Variants in DCC observed in about 807,000 individuals in gnomAD.
The protein encoded by DCC is netrin receptor DCC.
DCC carries 58 observed loss-of-function variants against 172.5 expected under a neutral mutation model. That is an observed-to-expected ratio of 0.34 (90% CI 0.27 to 0.42). DCC has a LOEUF of 0.42. DCC is among the 10% of genes least tolerant of loss of function. The pLI, the probability that DCC is intolerant of heterozygous loss-of-function variation, is 1.00. For missense variants in DCC, 1,740 were observed against 1,791.0 expected, an observed-to-expected ratio of 0.97 and a Z score of 0.51; for synonymous variants, 709 against 644.5, an observed-to-expected ratio of 1.10 and a Z score of -1.52.
intron 5 of DCC, among the ~76,000 whole-genome samples, chr18:52,959,334 T>A (rs1374284860): frequency 6.6e-6 from 1 of 152,168 alleles, no homozygotes; most frequent in African/African-American, 2.4e-5. Flanking sequence ...AAATTGTTCA[T>A]GTTAACTCAA....
At chr18:52,583,923 C>T (rs1218229586) in intron 1 of DCC, among the ~76,000 whole-genome samples, 2 of 152,158 alleles carry the variant, frequency 1.3e-5, no homozygotes, top group African/African-American at 2.4e-5. Flanking sequence ...CTCTCATCTC[C>T]GCATTATTCT....
At chr18:53,429,428 T>G (rs563271026) in intron 21 of DCC, among the ~76,000 whole-genome samples, 1 of 151,878 alleles carries the variant, frequency 6.6e-6, no homozygotes, top group African/African-American at 2.4e-5. Context: ...GTAATAACTG[T>G]ATGCTCACTC....
intron 1 of DCC, among the ~76,000 whole-genome samples, chr18:52,707,266 C>T (rs1183378448): frequency 6.6e-6 from 1 of 152,086 alleles, no homozygotes; most frequent in Non-Finnish European, 1.5e-5. Flanking sequence ...TATTTTGGTG[C>T]TAGATTTGAC....
intron 2 of DCC, among the ~76,000 whole-genome samples, chr18:52,794,357 G>A (rs2037832373): frequency 6.6e-6 from 1 of 151,926 alleles, no homozygotes; most frequent in South Asian, 2.1e-4. Flanking sequence ...TGTAGTTGTA[G>A]AAGTCTTTTG....
intron 1 of DCC, among the ~76,000 whole-genome samples, chr18:52,635,240 A>G (rs1215911434): frequency 6.6e-6 from 1 of 152,224 alleles, no homozygotes; most frequent in Non-Finnish European, 1.5e-5. Context: ...AAACTCAAAA[A>G]TCTCTGCAAA....
rs934555955 is a variant in DCC at position 53,016,532 on chromosome 18, T to C, written c.986-46773T>C. On this transcript the variant is annotated intron_variant, in intron 5 of 28. Transcript: ENST00000442544. ...AACTGAAAACGTCTGTTATGTTAGT[T>C]TCCATTTCATTATTCACTAGAAATA... is the stretch of plus-strand genomic sequence containing the variant. Among the ~76,000 whole-genome samples the C allele has an allele frequency of 2.6e-5, 4 of 152,236 alleles. No individual in the cohort carries two copies. The East Asian group carries it at 7.7e-4, about 29-fold the overall frequency.
chr18:53,000,471 C>T (rs147180634), intron 5 of DCC, among the ~76,000 whole-genome samples: 1 of 151,544 alleles, frequency 6.6e-6, no homozygotes, highest in Non-Finnish European at 1.5e-5. Flanking sequence ...GTACAATTTT[C>T]TGAGGCCAAA....
chr18:53,023,012 T>C (rs2041902845), intron 5 of DCC, among the ~76,000 whole-genome samples: 1 of 152,064 alleles, frequency 6.6e-6, no homozygotes, highest in Non-Finnish European at 1.5e-5. Flanking sequence ...AAATCTCGAC[T>C]TTTTGGAAGG....
At chr18:53,341,594 A>G (rs1485886730) in intron 15 of DCC, among the ~76,000 whole-genome samples, 1 of 152,200 alleles carries the variant, frequency 6.6e-6, no homozygotes. Context: ...TGTAAGTTCT[A>G]CTAGTTGATA....
At chr18:53,079,600 A>G (rs1414707469) in intron 7 of DCC, among the ~76,000 whole-genome samples, 1 of 152,166 alleles carries the variant, frequency 6.6e-6, no homozygotes, top group East Asian at 1.9e-4. Flanking sequence ...TTTGGCATAG[A>G]ACAAATTTAT....
At chr18:53,086,009 TCTC>T (rs1287830259) in intron 7 of DCC, among the ~76,000 whole-genome samples, 1 of 25,148 alleles carries the variant, frequency 4.0e-5, no homozygotes, top group Admixed American at 2.5e-4. Flanking sequence ...TTCTTCTCCT[TCTC>T]CTTCTCCCTC....
intron 1 of DCC, among the ~76,000 whole-genome samples, chr18:52,508,332 A>T (rs1271221392): frequency 1.3e-5 from 2 of 152,190 alleles, no homozygotes; most frequent in South Asian, 4.1e-4. Context: ...TTTATCATTA[A>T]TACAAACATA....
chr18:53,253,013 AT>A (rs2056457946), intron 12 of DCC, among the ~76,000 whole-genome samples: 1 of 151,970 alleles, frequency 6.6e-6, no homozygotes, highest in African/African-American at 2.4e-5. Context: ...CTCCTGATAA[AT>A]TACTCATTTT....
At chr18:53,313,133 A>G (rs1042924327) in intron 13 of DCC, among the ~76,000 whole-genome samples, 1 of 152,104 alleles carries the variant, frequency 6.6e-6, no homozygotes. Context: ...AGATCTTCTG[A>G]TATCAGCTAT....
At chr18:53,160,939 G>C (rs2054829645) in intron 8 of DCC, among the ~76,000 whole-genome samples, 1 of 151,878 alleles carries the variant, frequency 6.6e-6, no homozygotes, top group African/African-American at 2.4e-5. Flanking sequence ...ACTTTCACTT[G>C]TGCACAAGAT....
At chr18:52,621,187 C>T (rs549115313) in intron 1 of DCC, among the ~76,000 whole-genome samples, 7 of 152,296 alleles carry the variant, frequency 4.6e-5, no homozygotes, top group Middle Eastern at 3.4e-3. Flanking sequence ...TATGTTTAGA[C>T]GCTGCTGGGG....
intron 28 of DCC, among the ~76,000 whole-genome samples, chr18:53,529,036 TCTCACA>T (rs1449451713): frequency 5.8e-3 from 270 of 46,758 alleles, no homozygotes; most frequent in East Asian, 0.019. Flanking sequence ...TCTCTCTCTC[TCTCACA>T]CACACACACA....
chr18:53,211,362 A>G (rs981243825), intron 11 of DCC, among the ~76,000 whole-genome samples: 2 of 152,164 alleles, frequency 1.3e-5, no homozygotes, highest in Admixed American at 6.5e-5. Flanking sequence ...CAGAGGCAAG[A>G]TTCATTGTGG....
At chr18:52,350,976 A>G (rs1239172625) in intron 1 of DCC, among the ~76,000 whole-genome samples, 1 of 152,214 alleles carries the variant, frequency 6.6e-6, no homozygotes, top group Non-Finnish European at 1.5e-5. Context: ...TAAATATGCT[A>G]ATCAAATACA....
Sources: allele counts gnomAD v4.1 joint callset (sites outside exome capture counted in the v4.1 genomes callset), GRCh38; gene constraint gnomAD v4.1.1; transcripts MANE v1.5; gene names NCBI Gene and HGNC (gene_info 2026-07-23, HGNC 2026-07-21).